Variants in AUTS2 observed in about 807,000 individuals in gnomAD.
The protein encoded by AUTS2 is activator of transcription and developmental regulator AUTS2, also known as autism susceptibility gene 2 protein.
Under a neutral mutation model 112.4 loss-of-function variants are expected in AUTS2, and 17 were observed. The observed-to-expected ratio is 0.15, with a 90% CI of 0.10 to 0.23. The LOEUF (loss-of-function observed/expected upper bound fraction) is 0.23. AUTS2 is among the 10% of genes least tolerant of loss of function. The pLI is 1.00. For synonymous variants in AUTS2, 751 were observed against 702.7 expected (o/e 1.07, Z -1.09); for missense variants, 1,510 against 1,701.6 (o/e 0.89, Z 1.98).
intron 6 of AUTS2, among the ~76,000 whole-genome samples, chr7:70,751,130 G>T (rs777568357): frequency 6.6e-6 from 1 of 152,180 alleles, no homozygotes; most frequent in Non-Finnish European, 1.5e-5. Flanking sequence ...TGACAGGGGC[G>T]CGTTGCAACA....
At chr7:69,609,065 T>G (rs1377135930) in intron 1 of AUTS2, among the ~76,000 whole-genome samples, 1 of 152,246 alleles carries the variant, frequency 6.6e-6, no homozygotes, top group Non-Finnish European at 1.5e-5. Flanking sequence ...TTGTCTTTAG[T>G]GATGTAGTTC....
intron 2 of AUTS2, 125 bp from the exon 3 acceptor site, chr7:70,118,007 G>C (rs377392915): frequency 2.5e-6 from 3 of 1,209,478 alleles, no homozygotes; most frequent in South Asian, 5.1e-5. Flanking sequence ...CTCTGCCTCC[G>C]AAAGTGCTGG....
intron 4 of AUTS2, among the ~76,000 whole-genome samples, chr7:70,209,339 G>A (rs1013622050): frequency 6.6e-6 from 1 of 152,152 alleles, no homozygotes; most frequent in African/African-American, 2.4e-5. Context: ...AGGGTGTGAA[G>A]CAGGGAATAA....
At chr7:69,781,654 C>T (rs961010557) in intron 1 of AUTS2, among the ~76,000 whole-genome samples, 5 of 152,238 alleles carry the variant, frequency 3.3e-5, no homozygotes, top group Non-Finnish European at 1.5e-5. Flanking sequence ...TCTTTCCAGT[C>T]TCTTGAAGGC....
chr7:70,442,740 G>A (rs1441600166), intron 5 of AUTS2, among the ~76,000 whole-genome samples: 1 of 152,052 alleles, frequency 6.6e-6, no homozygotes, highest in Non-Finnish European at 1.5e-5. Flanking sequence ...GGCCCATATT[G>A]GCCTCCCAAA....
chr7:69,885,343 A>C (rs767011775), intron 1 of AUTS2, among the ~76,000 whole-genome samples: 9 of 152,144 alleles, frequency 5.9e-5, no homozygotes, highest in Non-Finnish European at 1.0e-4. Flanking sequence ...CTCTTAAATA[A>C]ATCGGTGAAG....
intron 5 of AUTS2, among the ~76,000 whole-genome samples, chr7:70,651,098 G>A (rs1040384702): frequency 1.3e-5 from 2 of 152,192 alleles, no homozygotes; most frequent in Non-Finnish European, 2.9e-5. Context: ...TGCTGTTTGA[G>A]ATAAAGTTCT....
intron 4 of AUTS2, among the ~76,000 whole-genome samples, chr7:70,430,417 T>C (rs1053655376): frequency 2.6e-5 from 4 of 152,250 alleles, no homozygotes; most frequent in African/African-American, 9.6e-5. Context: ...CTAAGTTGTT[T>C]ACATGTATTA....
intron 4 of AUTS2, among the ~76,000 whole-genome samples, chr7:70,417,829 G>A (rs1246830013): frequency 1.3e-5 from 2 of 152,192 alleles, no homozygotes; most frequent in Non-Finnish European, 1.5e-5. Flanking sequence ...GGGCATGTCA[G>A]ACAAGCTGCA....
At chr7:70,038,911 A>G (rs752253996) in intron 2 of AUTS2, among the ~76,000 whole-genome samples, 19 of 152,014 alleles carry the variant, frequency 1.2e-4, no homozygotes, top group Non-Finnish European at 2.4e-4. Context: ...GGTGCCCACC[A>G]TCATGCCCGG....
chr7:69,734,554 T>C (rs895928959), intron 1 of AUTS2, among the ~76,000 whole-genome samples: 2 of 151,926 alleles, frequency 1.3e-5, no homozygotes, highest in African/African-American at 4.8e-5. Flanking sequence ...GCTGCAGAAG[T>C]CTGGGCTTTA....
intron 4 of AUTS2, among the ~76,000 whole-genome samples, chr7:70,350,107 T>C (rs1791680123): frequency 6.6e-6 from 1 of 150,498 alleles, no homozygotes; most frequent in African/African-American, 2.5e-5. Context: ...AAGAGGACAA[T>C]AGGAGATTTA....
intron 2 of AUTS2, among the ~76,000 whole-genome samples, chr7:70,037,457 A>T (rs748997025): frequency 3.3e-5 from 5 of 152,158 alleles, no homozygotes; most frequent in Admixed American, 2.0e-4. Flanking sequence ...TCCTATAGTA[A>T]CCTTTTACTA....
At chr7:69,826,144 C>T (rs924862023) in intron 1 of AUTS2, among the ~76,000 whole-genome samples, 1 of 152,074 alleles carries the variant, frequency 6.6e-6, no homozygotes, top group Non-Finnish European at 1.5e-5. Context: ...GGAGAATGGC[C>T]TGGGAGTTTG....
Position 70,118,153 on chromosome 7 carries a change from T to G in AUTS2, c.544T>G (p.Cys182Gly). 6.2e-7 allele frequency: 1 copy of G among 1,609,114 alleles called. No individual in the cohort carries two copies. Among genetic ancestry groups the G allele is most frequent in the East Asian group, 2.2e-5 (1 of 44,630 alleles). ...TTAGCTCAAGCCAGGACAGAACAGC[T>G]GCAGGGACAGTGACAGTGAAAGTGC... ...LRQLKPGQNSCRDSDSESASG... is the reference protein window; with the variant it reads ...LRQLKPGQNSGRDSDSESASG... The change falls in exon 3 of 19, where the codon TGC (cysteine) becomes GGC (glycine). Residue 182 changes from cysteine to glycine, a missense_variant. By Grantham distance (159) the Cys-to-Gly change is radical. Transcript: ENST00000342771.
chr7:70,582,242 A>G (rs1802485555), intron 5 of AUTS2, among the ~76,000 whole-genome samples: 1 of 152,122 alleles, frequency 6.6e-6, no homozygotes. Flanking sequence ...AGCCTCACAC[A>G]GGCTGTCTTC....
intron 1 of AUTS2, among the ~76,000 whole-genome samples, chr7:69,863,903 C>T (rs1793102853): frequency 6.6e-6 from 1 of 152,212 alleles, no homozygotes; most frequent in African/African-American, 2.4e-5. Flanking sequence ...AGACTTCTGA[C>T]TTCTGCGTTT....
chr7:70,569,929 C>A (rs1263433173), intron 5 of AUTS2, among the ~76,000 whole-genome samples: 5 of 151,940 alleles, frequency 3.3e-5, no homozygotes, highest in Non-Finnish European at 1.5e-5. Flanking sequence ...AAACAAAACT[C>A]AAGAAACTTG....
At chr7:70,066,820 A>G (rs992212919) in intron 2 of AUTS2, among the ~76,000 whole-genome samples, 5 of 152,174 alleles carry the variant, frequency 3.3e-5, no homozygotes, top group Non-Finnish European at 7.3e-5. Flanking sequence ...GGTTACAGGC[A>G]TGAGCCGCCA....
Sources: gnomAD v4.1 joint callset for allele counts (sites outside exome capture counted in the v4.1 genomes callset) on GRCh38, gnomAD v4.1.1 for gene constraint, MANE v1.5 for transcripts, NCBI Gene and HGNC (gene_info 2026-07-23, HGNC 2026-07-21) for gene names.